Variants in RANBP9 observed in about 807,000 individuals in gnomAD.
RANBP9 encodes the protein ran-binding protein 9.
Under a neutral mutation model 84.3 loss-of-function variants are expected in RANBP9, and 15 were observed. The ratio of observed to expected loss-of-function variants is 0.18; its 90% CI spans 0.12 to 0.27. The LOEUF is 0.27. RANBP9 is among the 10% of genes least tolerant of loss of function. RANBP9 has a pLI of 1.00. For synonymous variants in RANBP9, 392 were observed against 349.6 expected (o/e 1.12, Z -1.35); for missense variants, 809 against 912.8 (o/e 0.89, Z 1.46).
intron 11 of RANBP9, among the ~76,000 whole-genome samples, chr6:13,633,541 C>T (rs1440236102): frequency 6.6e-6 from 1 of 152,154 alleles, no homozygotes; most frequent in Non-Finnish European, 1.5e-5. Flanking sequence ...AACTGAGACA[C>T]AGAGCAGTTA....
intron 1 of RANBP9, among the ~76,000 whole-genome samples, chr6:13,705,406 CAAA>C (rs774239782): frequency 9.7e-4 from 26 of 26,752 alleles, no homozygotes; most frequent in African/African-American, 2.8e-3. Context: ...GATTCTGTCT[CAAA>C]AAAAAAAAAA....
intron 2 of RANBP9, among the ~76,000 whole-genome samples, chr6:13,683,278 G>A (rs1460737581): frequency 1.3e-5 from 2 of 152,148 alleles, no homozygotes; most frequent in African/African-American, 4.8e-5. Flanking sequence ...AATAGGCAAA[G>A]AGCAAGAATT....
intron 2 of RANBP9, 122 bp from the exon 3 acceptor site, chr6:13,658,954 C>T: frequency 1.2e-6 from 1 of 865,398 alleles, no homozygotes; most frequent in South Asian, 1.5e-5. Flanking sequence ...AAGGTAGCAA[C>T]AAAAATTTTA....
At chr6:13,700,950 T>C (rs1189025229) in intron 1 of RANBP9, among the ~76,000 whole-genome samples, 1 of 152,192 alleles carries the variant, frequency 6.6e-6, no homozygotes, top group Non-Finnish European at 1.5e-5. Context: ...GTGGAAAACA[T>C]GGTTTTCCAG....
Position 13,696,781 on chromosome 6 carries a change from T to C in RANBP9, c.683+4A>G. Reference sequence around the variant, plus strand: ...AACGATTTTTCTCACCAAAATTTACTTACCCATCTCTTCCCTTACTGACAA... The same window carrying C: ...AACGATTTTTCTCACCAAAATTTACCTACCCATCTCTTCCCTTACTGACAA... On this transcript the variant is annotated splice_donor_region_variant and intron_variant, in intron 2 of 13. Transcript: ENST00000011619. The C allele has an allele frequency of 6.3e-7, 1 of 1,592,568 alleles. No individual in the cohort carries two copies. Among genetic ancestry groups the C allele is most frequent in the Non-Finnish European group, 8.6e-7 (1 of 1,165,576 alleles).
At chr6:13,642,850 G>T (rs1264282325) in intron 6 of RANBP9, among the ~76,000 whole-genome samples, 1 of 152,056 alleles carries the variant, frequency 6.6e-6, no homozygotes, top group Non-Finnish European at 1.5e-5. Context: ...GAGAATCAAG[G>T]ACATTAAATG....
chr6:13,646,931 G>C (rs1584920810), intron 5 of RANBP9, among the ~76,000 whole-genome samples: 1 of 152,096 alleles, frequency 6.6e-6, no homozygotes, highest in Admixed American at 6.6e-5. Flanking sequence ...CTTTTTAGAT[G>C]AACATTTTTA....
chr6:13,710,521 C>T (rs1758248373), intron 1 of RANBP9, among the ~76,000 whole-genome samples: 1 of 152,128 alleles, frequency 6.6e-6, no homozygotes. Flanking sequence ...CTCTCTTCCC[C>T]CCTTGTAAGA....
chr6:13,677,201 C>A (rs1765905989), intron 2 of RANBP9, among the ~76,000 whole-genome samples: 1 of 152,104 alleles, frequency 6.6e-6, no homozygotes, highest in South Asian at 2.1e-4. Context: ...AGTCAATTTC[C>A]TACGCACCAG....
chr6:13,703,579 A>C (rs890077391), intron 1 of RANBP9, among the ~76,000 whole-genome samples: 12 of 152,210 alleles, frequency 7.9e-5, no homozygotes, highest in African/African-American at 2.9e-4. Flanking sequence ...AAGGCCACCA[A>C]TTCACAACAT....
intron 2 of RANBP9, among the ~76,000 whole-genome samples, chr6:13,692,315 C>T (rs1303417785): frequency 6.6e-6 from 1 of 151,742 alleles, no homozygotes; most frequent in African/African-American, 2.4e-5. Flanking sequence ...GCGGGTGGAT[C>T]ACCTGAGGTC....
intron 13 of RANBP9, 96 bp from the exon 14 acceptor site, chr6:13,622,588 C>A: frequency 7.8e-7 from 1 of 1,278,998 alleles, no homozygotes; most frequent in East Asian, 2.5e-5. Context: ...TTAAAAACTA[C>A]CACTCCCATA....
At chr6:13,667,562 G>C (rs76511355) in intron 2 of RANBP9, among the ~76,000 whole-genome samples, 1,985 of 152,282 alleles carry the variant, frequency 0.013, 44 homozygotes, top group African/African-American at 0.045. Context: ...TAATGGAGCT[G>C]TTCTATACAA....
intron 1 of RANBP9, among the ~76,000 whole-genome samples, chr6:13,697,686 A>T (rs1227410835): frequency 2.0e-5 from 3 of 152,200 alleles, no homozygotes; most frequent in Admixed American, 6.5e-5. Flanking sequence ...CTTGAAAGCT[A>T]GCATGTAGAC....
intron 1 of RANBP9, among the ~76,000 whole-genome samples, chr6:13,704,944 T>C (rs1436686853): frequency 6.6e-6 from 1 of 152,174 alleles, no homozygotes. Flanking sequence ...ATATTTCCCT[T>C]ACTACTCTAT....
At chr6:13,669,200 G>A (rs1275529259) in intron 2 of RANBP9, among the ~76,000 whole-genome samples, 1 of 151,884 alleles carries the variant, frequency 6.6e-6, no homozygotes, top group African/African-American at 2.4e-5. Context: ...CACTAAAAAC[G>A]ACATTGTTGA....
chr6:13,680,095 T>C (rs758687233), intron 2 of RANBP9, among the ~76,000 whole-genome samples: 1 of 152,104 alleles, frequency 6.6e-6, no homozygotes, highest in Non-Finnish European at 1.5e-5. Flanking sequence ...TTACAGATCC[T>C]TTAGAATTTC....
At chr6:13,707,256 C>T (rs1561699351) in intron 1 of RANBP9, among the ~76,000 whole-genome samples, 1 of 151,982 alleles carries the variant, frequency 6.6e-6, no homozygotes, top group Non-Finnish European at 1.5e-5. Flanking sequence ...TGGGCTCAAG[C>T]GATCCTTCTA....
rs145164754 is a variant in RANBP9 at position 13,683,927 on chromosome 6, A to G, written c.683+12858T>C. ...TATATATCTTTAGGTCACTTTTCCC[A>G]TATTTCATACCTTCTTAAATAACCA... is the stretch of plus-strand genomic sequence containing the variant. On this transcript the variant is annotated intron_variant, in intron 2 of 13. Coordinates refer to ENST00000011619, the MANE Select transcript of RANBP9 (RefSeq NM_005493.3). Among the ~76,000 whole-genome samples the G allele has an allele frequency of 5.2e-3, 798 of 152,270 alleles. 4 individuals are homozygous for G. Among genetic ancestry groups the G allele is most frequent in the African/African-American group, 0.018 (751 of 41,556 alleles).
Sources: allele counts gnomAD v4.1 joint callset (sites outside exome capture counted in the v4.1 genomes callset), GRCh38; gene constraint gnomAD v4.1.1; transcripts MANE v1.5; gene names NCBI Gene and HGNC (gene_info 2026-07-23, HGNC 2026-07-21).